CBY2: variants seen among roughly 807,000 people sequenced by gnomAD.
The protein encoded by CBY2 is protein chibby homolog 2.
In CBY2, 23 loss-of-function variants were observed where a neutral mutation model predicts 25.3. The observed-to-expected ratio is 0.91, with a 90% CI of 0.65 to 1.29. CBY2 has a LOEUF of 1.29. CBY2 is among the 50% of genes most tolerant of loss of function. The pLI, the probability that CBY2 is intolerant of heterozygous loss-of-function variation, is 0.00. For missense variants in CBY2, 642 were observed against 590.7 expected (o/e 1.09, Z -0.90); for synonymous variants, 279 against 260.2 (o/e 1.07, Z -0.70).
chr13:45,708,502 G>C (rs1049940903), intron 2 of CBY2, among the ~76,000 whole-genome samples: 7 of 152,164 alleles, frequency 4.6e-5, no homozygotes, highest in African/African-American at 9.7e-5. Flanking sequence ...CACTAATGTA[G>C]GGGAAAAATT....
intron 2 of CBY2, among the ~76,000 whole-genome samples, chr13:45,708,780 C>G (rs573631484): frequency 6.6e-6 from 1 of 152,230 alleles, no homozygotes; most frequent in South Asian, 2.1e-4. Context: ...TTTAAATGTT[C>G]TAAGAAATTA....
At position 45,702,365 on chromosome 13, in the gene CBY2, C is replaced by G. The variant is rs756648842; in HGVS notation, c.-26C>G. On this transcript the variant is annotated 5_prime_UTR_variant, in exon 1 of 3. Coordinates refer to ENST00000310521, the MANE Select transcript of CBY2 (RefSeq NM_152719.3). The stretch of plus-strand genomic sequence containing the variant: ...TGATGCTCAGAGAGAAACCATGAGC[C>G]CTGAAAAACACCATATTGTTTTGTG... 4 of 1,605,652 alleles carry G rather than the reference C, an allele frequency of 2.5e-6. No homozygotes were observed. In the South Asian group the frequency reaches 4.4e-5, roughly 18 times the overall value.
intron 2 of CBY2, among the ~76,000 whole-genome samples, chr13:45,711,426 C>T (rs1010000095): frequency 2.0e-5 from 3 of 152,096 alleles, no homozygotes; most frequent in Non-Finnish European, 2.9e-5. Context: ...CTTTTTCACT[C>T]GTGAAAAGTC....
rs201772814 is a variant in CBY2 at position 45,714,273 on chromosome 13, C to T, written c.1248C>T (p.Thr416=). The change falls in exon 3 of 3, where the codon ACC becomes ACT. Residue 416 remains threonine, a synonymous_variant. Transcript: ENST00000310521. ...LKLQQKLVID[T]VTEVTARMEM... is the part of the protein sequence containing the mutation. ...TGCAGCAGAAGCTGGTCATTGACAC[C>T]GTGACCGAGGTCACCGCGCGCATGG... 96 of 1,613,070 alleles carry T rather than the reference C, an allele frequency of 6.0e-5. No homozygotes were observed. Among genetic ancestry groups the T allele is most frequent in the Non-Finnish European group, 7.3e-5 (86 of 1,179,866 alleles).
chr13:45,711,640 C>A (rs950408893), intron 2 of CBY2, among the ~76,000 whole-genome samples: 1 of 152,164 alleles, frequency 6.6e-6, no homozygotes, highest in Non-Finnish European at 1.5e-5. Flanking sequence ...ATGCAGATTC[C>A]TGGGCCACAC....
rs1950292242 is a variant in CBY2 at position 45,713,829 on chromosome 13, G to A, written c.804G>A (p.Trp268Ter). Reference protein sequence around the residue: ...QQLLEQKQAYWAQAEDTAAPA... With the variant: ...QQLLEQKQAY ...TGCTGGAGCAGAAACAGGCCTACTGGGCGCAGGCAGAGGACACGGCCGCCC... is the reference window on the plus strand; with the variant it reads ...TGCTGGAGCAGAAACAGGCCTACTGAGCGCAGGCAGAGGACACGGCCGCCC... Residue 268 changes from tryptophan (W) to a stop codon, truncating the protein, a stop_gained, in exon 3 of 3, where the codon TGG becomes TGA. Coordinates refer to ENST00000310521, the MANE Select transcript of CBY2 (RefSeq NM_152719.3). LOFTEE classifies it high-confidence loss of function. The surrounding 1 kb of genome is among the most constrained non-coding windows in gnomAD (Gnocchi z 5.0). 2 of 1,535,874 alleles carry A rather than the reference G, an allele frequency of 1.3e-6. No individual in the cohort carries two copies. The highest frequency in any genetic ancestry group is 1.2e-5 in the South Asian group (1 of 83,516).
In CBY2 at chr13:45,713,779, G is replaced by C. The variant is rs776992104; in HGVS notation, c.754G>C (p.Glu252Gln). ...KEDSTLQLLREENRALQQLLE... is the reference protein window; with the variant it reads ...KEDSTLQLLRQENRALQQLLE... ...GGACAGCACCCTGCAGCTCCTCCGGGAGGAGAATCGCGCGCTGCAGCAGCT... is the reference window on the plus strand; with the variant it reads ...GGACAGCACCCTGCAGCTCCTCCGGCAGGAGAATCGCGCGCTGCAGCAGCT... Residue 252 changes from glutamate to glutamine, a missense_variant, in exon 3 of 3, where the codon GAG (glutamate) becomes CAG (glutamine). Physicochemically the swap from Glu to Gln is conservative, Grantham distance 29. Transcript: ENST00000310521. This position sits in a 1 kb window ranked among gnomAD's most constrained non-coding sequence, Gnocchi z 5.0. 3 of 1,597,166 alleles carry C rather than the reference G, an allele frequency of 1.9e-6. No homozygotes were observed. The highest frequency in any genetic ancestry group is 2.6e-6 in the Non-Finnish European group (3 of 1,172,212).
chr13:45,710,422 C>T (rs1950263289), intron 2 of CBY2, among the ~76,000 whole-genome samples: 1 of 152,186 alleles, frequency 6.6e-6, no homozygotes, highest in Admixed American at 6.5e-5. Context: ...ACTCTGGAGG[C>T]TGAGGCAGGA....
chr13:45,708,975 C>T (rs1478867002), intron 2 of CBY2, among the ~76,000 whole-genome samples: 1 of 152,138 alleles, frequency 6.6e-6, no homozygotes, highest in Non-Finnish European at 1.5e-5. Context: ...AGGCACAAAG[C>T]CTGCTTGGGA....
At position 45,714,144 on chromosome 13, in the gene CBY2, C is replaced by A. The variant is rs1232815289; in HGVS notation, c.1119C>A (p.Asn373Lys). The change falls in exon 3 of 3, where the codon AAC becomes AAA. Residue 373 changes from asparagine to lysine, a missense_variant. Asn to Lys is a moderately conservative substitution (Grantham distance 94). Coordinates refer to ENST00000310521, the MANE Select transcript of CBY2 (RefSeq NM_152719.3). ...RQALQALLKE[N>K]RLLQEENRTL... ...CGCTGCAGGCCCTGCTCAAGGAGAA[C>A]CGGCTCCTGCAGGAGGAGAACAGGA... 5 of 1,593,148 alleles carry A rather than the reference C, an allele frequency of 3.1e-6. No homozygotes were observed. The highest frequency in any genetic ancestry group is 4.3e-6 in the Non-Finnish European group (5 of 1,168,972).
chr13:45,713,995 C>A lies in CBY2; in HGVS notation c.970C>A (p.Leu324Met). 2 of 1,494,500 alleles carry A rather than the reference C, an allele frequency of 1.3e-6. No homozygotes were observed. The highest frequency in any genetic ancestry group is 1.8e-6 in the Non-Finnish European group (2 of 1,123,920). The allele number at this position is 1,494,500 out of a possible 1,614,324, so 92.6% of individuals were successfully genotyped here. ...GGCCCGGCAGGAGGACTCCAAGGAG[C>A]TGCGCGCCCTGCGGAAGATGGTCAG... is the stretch of plus-strand genomic sequence containing the variant. ...PPARQEDSKE[L>M]RALRKMVSNM... Residue 324 changes from leucine (L) to methionine (M), a missense_variant, in exon 3 of 3, where the codon CTG becomes ATG. Leu to Met is a conservative substitution (Grantham distance 15, BLOSUM62 2). Transcript: ENST00000310521. This position sits in a 1 kb window ranked among gnomAD's most constrained non-coding sequence, Gnocchi z 5.0.
At chr13:45,708,908 G>T (rs1325864451) in intron 2 of CBY2, among the ~76,000 whole-genome samples, 1 of 152,146 alleles carries the variant, frequency 6.6e-6, no homozygotes, top group African/African-American at 2.4e-5. Context: ...AAGTAAAGGG[G>T]ACTTATTTGT....
intron 2 of CBY2, among the ~76,000 whole-genome samples, chr13:45,710,181 C>A (rs185928806): frequency 6.6e-6 from 1 of 152,092 alleles, no homozygotes; most frequent in African/African-American, 2.4e-5. Context: ...GGAGTCAAAT[C>A]CTGCTGAGAT....
chr13:45,702,400 C>T lies in CBY2; in HGVS notation c.10C>T (p.Leu4=). 1 of 1,614,164 alleles carries T rather than the reference C, an allele frequency of 6.2e-7. No homozygotes were observed. Among genetic ancestry groups the T allele is most frequent in the South Asian group, 1.1e-5 (1 of 91,084 alleles). Residue 4 remains leucine (L), a synonymous_variant, in exon 1 of 3, where the codon CTG becomes TTG. Coordinates refer to ENST00000310521, the MANE Select transcript of CBY2 (RefSeq NM_152719.3). ...ACCATATTGTTTTGTGATGTCACCT[C>T]TGGAATGTTCTGAGTGTTTTGGTGA... MSP[L]ECSECFGDQL... is the part of the protein sequence containing the mutation.
rs1205636648 is a variant in CBY2 at position 45,714,240 on chromosome 13, G to A, written c.1215G>A (p.Lys405=). The A allele has an allele frequency of 6.2e-7, 1 of 1,613,108 alleles. No homozygotes were observed. Among genetic ancestry groups the A allele is most frequent in the Non-Finnish European group, 8.5e-7 (1 of 1,179,900 alleles). The change falls in exon 3 of 3, where the codon AAG becomes AAA. Residue 405 remains lysine, a synonymous_variant. Coordinates refer to ENST00000310521, the MANE Select transcript of CBY2 (RefSeq NM_152719.3). ...EENKALWENN[K]LKLQQKLVID... ...ACAAGGCCCTGTGGGAGAACAACAAGCTGAAGCTGCAGCAGAAGCTGGTCA... is the reference window on the plus strand; with the variant it reads ...ACAAGGCCCTGTGGGAGAACAACAAACTGAAGCTGCAGCAGAAGCTGGTCA...
chr13:45,703,648 G>T (rs1439757134), intron 2 of CBY2: 1 of 1,411,868 alleles, frequency 7.1e-7, no homozygotes, highest in Non-Finnish European at 9.8e-7. Flanking sequence ...ACCACTGGTG[G>T]GCATTCCATA....
intron 2 of CBY2, chr13:45,703,196 G>A (rs1950221099): frequency 4.8e-6 from 6 of 1,248,404 alleles, no homozygotes; most frequent in Non-Finnish European, 6.0e-6. Flanking sequence ...CTGGATTTCT[G>A]GGGGAGAATT....
chr13:45,713,182 A>C lies in CBY2; in HGVS notation c.157A>C (p.Arg53=), dbSNP rs1196274182. ...TGGGCTTTCCCATTCTCTCCCGCAG[A>C]GGGGCACAGCCGAACCCTTCCCGAG... The part of the protein sequence containing the change: ...EIPISVVLPQ[R]GTAEPFPRLH... The change falls in exon 3 of 3, where the codon AGG becomes CGG. Residue 53 remains arginine (R), a splice_region_variant and synonymous_variant. Coordinates refer to ENST00000310521, the MANE Select transcript of CBY2 (RefSeq NM_152719.3). This position sits in a 1 kb window ranked among gnomAD's most constrained non-coding sequence, Gnocchi z 5.0. 6.2e-7 allele frequency: 1 copy of C among 1,607,348 alleles called. No individual in the cohort carries two copies. Among genetic ancestry groups the C allele is most frequent in the Admixed American group, 1.7e-5 (1 of 59,732 alleles).
intron 2 of CBY2, chr13:45,703,686 A>G (rs1428378926): frequency 9.0e-7 from 1 of 1,110,766 alleles, no homozygotes; most frequent in Non-Finnish European, 1.3e-6. Flanking sequence ...CTAGGCAAGT[A>G]TGTTCAGCGG....
Sources: allele counts gnomAD v4.1 joint callset (sites outside exome capture counted in the v4.1 genomes callset), GRCh38; gene constraint gnomAD v4.1.1; non-coding constraint Gnocchi (gnomAD v3.1); transcripts MANE v1.5; gene names NCBI Gene and HGNC (gene_info 2026-07-23, HGNC 2026-07-21).